The following AUTS2 variants were observed in gnomAD, a reference collection of about 807,000 sequenced individuals.
AUTS2 encodes the protein activator of transcription and developmental regulator AUTS2.
Under a neutral mutation model 112.4 loss-of-function variants are expected in AUTS2, and 17 were observed. That is an observed-to-expected ratio of 0.15 (90% confidence interval 0.10 to 0.23). The LOEUF (loss-of-function observed/expected upper bound fraction) is 0.23. AUTS2 is among the 10% of genes least tolerant of loss of function. The pLI is 1.00. For missense variants in AUTS2, 1,510 were observed against 1,701.6 expected (o/e 0.89, Z 1.98); for synonymous variants, 751 against 702.7 (o/e 1.07, Z -1.09).
Position 69,899,509 on chromosome 7 carries a change from T to G in AUTS2, c.522+11T>G. The G allele has an allele frequency of 1.2e-6, 2 of 1,613,588 alleles. No individual in the cohort carries two copies. Among genetic ancestry groups the G allele is most frequent in the Non-Finnish European group, 1.7e-6 (2 of 1,179,620 alleles). On this transcript the variant is annotated intron_variant, in intron 2 of 18. Transcript: ENST00000342771. ...AAGGCACTCAGACAGGTGAGGAAGC[T>G]TGGGTTCGCTCTTTCCTGTGGCGGC...
At chr7:70,330,478 G>T (rs2129619407) in intron 4 of AUTS2, among the ~76,000 whole-genome samples, 1 of 152,284 alleles carries the variant, frequency 6.6e-6, no homozygotes, top group Non-Finnish European at 1.5e-5. Context: ...TATTTCATTG[G>T]TCTGCGTGTC....
At chr7:70,223,505 G>A (rs761847425) in intron 4 of AUTS2, among the ~76,000 whole-genome samples, 3 of 152,132 alleles carry the variant, frequency 2.0e-5, no homozygotes, top group Non-Finnish European at 2.9e-5. Context: ...AACCTACTGC[G>A]CTGCCAGTTG....
intron 1 of AUTS2, among the ~76,000 whole-genome samples, chr7:69,779,550 T>A (rs1273378883): frequency 6.6e-6 from 1 of 151,898 alleles, no homozygotes; most frequent in Non-Finnish European, 1.5e-5. Context: ...GATCATGAGG[T>A]CAGGAGTTCG....
At chr7:70,658,240 T>G (rs1806879749) in intron 5 of AUTS2, among the ~76,000 whole-genome samples, 17 of 152,204 alleles carry the variant, frequency 1.1e-4, no homozygotes, top group Admixed American at 1.1e-3. Context: ...TGTCTCAGCT[T>G]GCAGCCTGAG....
At chr7:70,755,732 CTTATT>C (rs1789156480) in intron 6 of AUTS2, among the ~76,000 whole-genome samples, 1 of 151,904 alleles carries the variant, frequency 6.6e-6, no homozygotes, top group African/African-American at 2.4e-5. Context: ...TCTCAGTTGG[CTTATT>C]TTAATGGTAG....
chr7:69,984,208 G>A (rs148787501), intron 2 of AUTS2, among the ~76,000 whole-genome samples: 90 of 152,078 alleles, frequency 5.9e-4, no homozygotes, highest in Non-Finnish European at 1.0e-3. Flanking sequence ...ACGAGGTCAG[G>A]AGATCGAGAC....
At chr7:70,039,043 G>A (rs1378137266) in intron 2 of AUTS2, among the ~76,000 whole-genome samples, 1 of 151,776 alleles carries the variant, frequency 6.6e-6, no homozygotes, top group African/African-American at 2.4e-5. Context: ...ACAGGTGTGA[G>A]TCACCACACC....
At chr7:69,683,622 C>T (rs527468243) in intron 1 of AUTS2, among the ~76,000 whole-genome samples, 3 of 151,698 alleles carry the variant, frequency 2.0e-5, no homozygotes, top group South Asian at 2.1e-4. Flanking sequence ...CGAGACTGGG[C>T]GCAATGGCTC....
intron 1 of AUTS2, among the ~76,000 whole-genome samples, chr7:69,778,245 TA>T (rs57531164): frequency 0.1 from 8,502 of 83,390 alleles, 300 homozygotes; most frequent in African/African-American, 0.16. Flanking sequence ...TATATATATA[TA>T]TTTTTTTTTT....
chr7:69,787,429 C>T (rs536472463), intron 1 of AUTS2, among the ~76,000 whole-genome samples: 5 of 152,350 alleles, frequency 3.3e-5, no homozygotes, highest in Admixed American at 6.5e-5. Context: ...CTCTAAAGCA[C>T]TTAAAGTCTT....
At chr7:70,016,034 GCTTCATATTGGAAGAA>G (rs1288941567) in intron 2 of AUTS2, among the ~76,000 whole-genome samples, 3 of 152,122 alleles carry the variant, frequency 2.0e-5, no homozygotes, top group Non-Finnish European at 4.4e-5. Context: ...TGAGGCTGTT[GCTTCATATTGGAAGAA>G]AGGTTTCATT....
chr7:70,754,633 G>T (rs1282778267), intron 6 of AUTS2, among the ~76,000 whole-genome samples: 1 of 152,186 alleles, frequency 6.6e-6, no homozygotes, highest in Non-Finnish European at 1.5e-5. Context: ...TAAAGTCTGG[G>T]TTAATTTTCT....
rs903305144 is a variant in AUTS2 at position 70,102,134 on chromosome 7, T to C, written c.523-15998T>C. The stretch of plus-strand genomic sequence containing the variant: ...TGTTTACTTTTTTTTTTTTTTTTTT[T>C]TTGAGACAGAGTCTCGCACTTTCGC... On this transcript the variant is annotated intron_variant, in intron 2 of 18. Transcript: ENST00000342771. Among the ~76,000 whole-genome samples, 24 of 150,230 alleles carry C rather than the reference T, an allele frequency of 1.6e-4. 1 individual carries two copies. Among genetic ancestry groups the C allele is most frequent in the Admixed American group, 1.6e-3 (24 of 15,106 alleles).
chr7:70,437,815 G>C (rs1795958175), intron 5 of AUTS2: 1 of 150,212 alleles, frequency 6.7e-6, no homozygotes, highest in Non-Finnish European at 1.5e-5. Context: ...ACTCCAGCCT[G>C]GGTGACAGAG....
At chr7:69,855,813 G>A (rs900851280) in intron 1 of AUTS2, among the ~76,000 whole-genome samples, 4 of 152,184 alleles carry the variant, frequency 2.6e-5, no homozygotes, top group Non-Finnish European at 5.9e-5. Flanking sequence ...AACTCTTGCT[G>A]TGAGGGCCCC....
At chr7:70,566,840 G>C (rs1478593447) in intron 5 of AUTS2, among the ~76,000 whole-genome samples, 1 of 152,180 alleles carries the variant, frequency 6.6e-6, no homozygotes, top group Non-Finnish European at 1.5e-5. Flanking sequence ...TCTTGGTATT[G>C]CATTTCTGGT....
At chr7:70,271,135 G>A (rs1292315046) in intron 4 of AUTS2, among the ~76,000 whole-genome samples, 3 of 152,194 alleles carry the variant, frequency 2.0e-5, no homozygotes, top group East Asian at 1.9e-4. Context: ...CCTTACAGCA[G>A]TTAAGCATGA....
intron 5 of AUTS2, among the ~76,000 whole-genome samples, chr7:70,635,573 G>C (rs1391741504): frequency 6.6e-6 from 1 of 152,198 alleles, no homozygotes; most frequent in African/African-American, 2.4e-5. Flanking sequence ...GAGGAAACGA[G>C]TTTTAGGAGT....
intron 4 of AUTS2, among the ~76,000 whole-genome samples, chr7:70,341,907 C>T (rs1791281704): frequency 1.3e-5 from 2 of 152,194 alleles, no homozygotes; most frequent in African/African-American, 4.8e-5. Flanking sequence ...ATCACTTCAA[C>T]TATAGGTTCT....
Sources: gnomAD v4.1 joint callset for allele counts (sites outside exome capture counted in the v4.1 genomes callset) on GRCh38, gnomAD v4.1.1 for gene constraint, MANE v1.5 for transcripts, NCBI Gene and HGNC (gene_info 2026-07-23, HGNC 2026-07-21) for gene names.